The following DDAH1 variants were observed in gnomAD, a reference collection of about 807,000 sequenced individuals.
The protein encoded by DDAH1 is dimethylarginine dimethylaminohydrolase 1, also known as N(G),N(G)-dimethylarginine dimethylaminohydrolase 1.
A neutral mutation model predicts 28.8 loss-of-function variants in DDAH1; 19 were observed. The observed-to-expected ratio is 0.66, with a 90% CI of 0.46 to 0.97. The LOEUF is 0.97. Ranked by LOEUF, DDAH1 falls within the 50% of genes least tolerant of loss-of-function variation. The pLI is 0.00. For synonymous variants in DDAH1, 153 were observed against 154.4 expected, an observed-to-expected ratio of 0.99 and a Z score of 0.07; for missense variants, 326 against 375.9, an observed-to-expected ratio of 0.87 and a Z score of 1.10.
intron 1 of DDAH1, among the ~76,000 whole-genome samples, chr1:85,543,820 T>C (rs1256940493): frequency 6.6e-6 from 1 of 152,170 alleles, no homozygotes; most frequent in Non-Finnish European, 1.5e-5. Flanking sequence ...AAGATGAACA[T>C]GGAAAACAGC....
At chr1:85,337,189 T>C (rs1648188551) in intron 4 of DDAH1, among the ~76,000 whole-genome samples, 1 of 152,238 alleles carries the variant, frequency 6.6e-6, no homozygotes, top group Non-Finnish European at 1.5e-5. Flanking sequence ...CATCTTTCCC[T>C]TCTATTTTTA....
At position 85,534,287 on chromosome 1, in the gene DDAH1, A is replaced by T. The variant is rs567986424; in HGVS notation, c.-122-38006T>A. ...AAACTACCCTAAAATATACACAAAG[A>T]CACCATGAACTTATAAACAAGAACT... On this transcript the variant is annotated intron_variant, in intron 1 of 6. Coordinates refer to the DDAH1 transcript ENST00000426972. 7.2e-5 allele frequency among the ~76,000 whole-genome samples: 11 copies of T among 152,284 alleles called. No homozygotes were observed. In the Middle Eastern group the frequency reaches 0.01, roughly 141 times the overall value.
chr1:85,525,172 T>G (rs1360498290), intron 1 of DDAH1, among the ~76,000 whole-genome samples: 5 of 151,856 alleles, frequency 3.3e-5, no homozygotes, highest in African/African-American at 1.2e-4. Flanking sequence ...CTTTTTTTTC[T>G]TTATCGAATT....
intron 1 of DDAH1, among the ~76,000 whole-genome samples, chr1:85,563,396 G>GAGTGGAA (rs1659194091): frequency 6.6e-6 from 1 of 152,218 alleles, no homozygotes; most frequent in Non-Finnish European, 1.5e-5. Flanking sequence ...TCAGCAGCCA[G>GAGTGGAA]AGTGGAAAAC....
At position 85,569,099 on chromosome 1, in the gene DDAH1, T is replaced by C. The variant is rs17127904; in HGVS notation, c.-123+8885A>G. Among the ~76,000 whole-genome samples the C allele has an allele frequency of 1.6e-3, 247 of 152,344 alleles. 4 individuals are homozygous for C. The South Asian group carries it at 0.024, about 15-fold the overall frequency. ...CTACTGAGTTGTAAATAACACCTGA[T>C]GCGATTGCCTGAAGACTGAACAGTA... is the stretch of plus-strand genomic sequence containing the variant. On this transcript the variant is annotated intron_variant, in intron 1 of 6. Transcript: ENST00000426972.
chr1:85,328,495 A>G (rs1208319949), intron 4 of DDAH1, among the ~76,000 whole-genome samples: 1 of 152,150 alleles, frequency 6.6e-6, no homozygotes, highest in Non-Finnish European at 1.5e-5. Flanking sequence ...AGGTGCAGGG[A>G]ATGGGATTCC....
At chr1:85,351,658 C>T (rs940299211) in intron 2 of DDAH1, 79 bp from the exon 3 acceptor site, 7 of 1,069,042 alleles carry the variant, frequency 6.5e-6, no homozygotes, top group African/African-American at 6.3e-5. Flanking sequence ...TAAATAATGA[C>T]CTTAAAGCAT....
chr1:85,489,073 C>T (rs961172262), intron 2 of DDAH1, among the ~76,000 whole-genome samples: 5 of 152,128 alleles, frequency 3.3e-5, no homozygotes, highest in Non-Finnish European at 7.4e-5. Flanking sequence ...GTTATACAGG[C>T]CATTCTAGCC....
At chr1:85,513,897 T>G (rs1223888052) in intron 1 of DDAH1, among the ~76,000 whole-genome samples, 1 of 152,224 alleles carries the variant, frequency 6.6e-6, no homozygotes, top group Non-Finnish European at 1.5e-5. Flanking sequence ...GCTTTTACAG[T>G]GTTGGTGGGA....
chr1:85,450,203 C>T (rs1313561670), intron 1 of DDAH1, among the ~76,000 whole-genome samples: 2 of 152,192 alleles, frequency 1.3e-5, no homozygotes, highest in East Asian at 3.9e-4. Flanking sequence ...AATTAAACTA[C>T]AGGCTCCATG....
chr1:85,482,772 C>T (rs1656053026), intron 2 of DDAH1, among the ~76,000 whole-genome samples: 1 of 152,124 alleles, frequency 6.6e-6, no homozygotes, highest in South Asian at 2.1e-4. Flanking sequence ...TACATGTGAC[C>T]CTTTACTATG....
intron 2 of DDAH1, among the ~76,000 whole-genome samples, chr1:85,357,301 G>A (rs973438727): frequency 1.7e-4 from 26 of 152,228 alleles, no homozygotes; most frequent in Non-Finnish European, 3.2e-4. Context: ...CACTGCATGA[G>A]ACAGTGGCAG....
At chr1:85,420,980 C>CCGCCTCTAGGG (rs1404671786) in intron 1 of DDAH1, among the ~76,000 whole-genome samples, 26 of 152,174 alleles carry the variant, frequency 1.7e-4, no homozygotes, top group Admixed American at 4.6e-4. Flanking sequence ...AGCTTCCAAT[C>CCGCCTCTAGGG]ATGGCGGAAG....
At chr1:85,533,155 T>A (rs1260929452) in intron 1 of DDAH1, among the ~76,000 whole-genome samples, 1 of 152,180 alleles carries the variant, frequency 6.6e-6, no homozygotes, top group African/African-American at 2.4e-5. Flanking sequence ...TCTTAAATAT[T>A]TTTAAGTTAC....
At chr1:85,503,366 A>AT (rs1656887415) in intron 1 of DDAH1, among the ~76,000 whole-genome samples, 1 of 151,954 alleles carries the variant, frequency 6.6e-6, no homozygotes, top group Admixed American at 6.6e-5. Context: ...CACCAGGCTA[A>AT]TTTTTTGTAT....
At chr1:85,466,832 C>CTTTTTTTTTTTTTTTTTTTTTTTTTTT (rs10675813), upstream of DDAH1, among the ~76,000 whole-genome samples, 1 of 70,738 alleles carries the variant, frequency 1.4e-5, no homozygotes, top group African/African-American at 5.8e-5. Flanking sequence ...ATTATTTATT[C>CTTTTTTTTTTTTTTTTTTTTTTTTTTT]TTTTTTTTTT....
At chr1:85,432,592 T>C (rs1476438938) in intron 1 of DDAH1, among the ~76,000 whole-genome samples, 1 of 152,182 alleles carries the variant, frequency 6.6e-6, no homozygotes, top group Non-Finnish European at 1.5e-5. Flanking sequence ...CACAATTGAA[T>C]TGTACTCAGG....
intron 4 of DDAH1, among the ~76,000 whole-genome samples, chr1:85,338,506 T>C (rs895276286): frequency 6.6e-6 from 1 of 152,196 alleles, no homozygotes; most frequent in Non-Finnish European, 1.5e-5. Context: ...CAATTTACTT[T>C]AGGAATAGAT....
chr1:85,577,948 G>A (rs891993831), intron 1 of DDAH1: 9 of 984,896 alleles, frequency 9.1e-6, no homozygotes, highest in African/African-American at 1.7e-5. Flanking sequence ...ACTAGCAAAA[G>A]AGCCATACAG....
Sources: allele counts gnomAD v4.1 joint callset (sites outside exome capture counted in the v4.1 genomes callset), GRCh38; gene constraint gnomAD v4.1.1; transcripts MANE v1.5; gene names NCBI Gene and HGNC (gene_info 2026-07-23, HGNC 2026-07-21).